The following CADPS2 variants were observed in gnomAD, a reference collection of about 807,000 sequenced individuals.
CADPS2 encodes the protein calcium dependent secretion activator 2, also known as calcium-dependent secretion activator 2.
A neutral mutation model predicts 172.5 loss-of-function variants in CADPS2; 93 were observed. That is an observed-to-expected ratio of 0.54 (90% confidence interval 0.46 to 0.64). The LOEUF is 0.64. Among genes scored for constraint, CADPS2 ranks in the 30% least tolerant of loss-of-function variants. The pLI is 0.00. For synonymous variants in CADPS2, 546 were observed against 555.2 expected (o/e 0.98, Z 0.23); for missense variants, 1,420 against 1,565.9 (o/e 0.91, Z 1.57).
In CADPS2 at chr7:122,477,002, GGAGAGGAGA is replaced by G. The variant is rs1586436933; in HGVS notation, c.1862-2494_1862-2486del. Reference sequence around the variant, plus strand: ...AAGGGGGGCGGGAGGGGAGGGGAGAGGAGAGGAGAGGAGAGGAGAGGAGAGGAGAGGAGA... The same window carrying G: ...AAGGGGGGCGGGAGGGGAGGGGAGAGGGAGAGGAGAGGAGAGGAGAGGAGA... On this transcript the variant is annotated intron_variant, in intron 12 of 29. Transcript: ENST00000449022. 2.4e-3 allele frequency among the ~76,000 whole-genome samples: 102 copies of G among 42,234 alleles called. 3 individuals are homozygous for G. The highest frequency in any genetic ancestry group is 4.1e-3 in the African/African-American group (47 of 11,430). 27.7% of individuals were successfully genotyped at this position (42,234 alleles called of 152,430 possible).
chr7:122,813,773 T>C (rs527398892), intron 1 of CADPS2, among the ~76,000 whole-genome samples: 1 of 152,250 alleles, frequency 6.6e-6, no homozygotes, highest in South Asian at 2.1e-4. Flanking sequence ...AGACAGTGGA[T>C]ATTGGAAAAT....
At position 122,663,547 on chromosome 7, in the gene CADPS2, A is replaced by G; in HGVS notation, c.476T>C (p.Val159Ala). The G allele has an allele frequency of 6.3e-7, 1 of 1,584,682 alleles. No individual in the cohort carries two copies. Among genetic ancestry groups the G allele is most frequent in the Non-Finnish European group, 8.6e-7 (1 of 1,163,980 alleles). ...CCCTCCACTCTGTACCATTCTGGCC[A>G]CTCGGTCACTCTTTAGAAAAACCTG... ...YYEVFLKSDR[V>A]ARMVQSGGCS... The change falls in exon 3 of 30, where the codon GTG (valine) becomes GCG (alanine). Residue 159 changes from valine to alanine, a missense_variant. Val to Ala is a moderately conservative substitution (Grantham distance 64, BLOSUM62 0). Coordinates refer to ENST00000449022, the MANE Select transcript of CADPS2 (RefSeq NM_017954.11).
chr7:122,823,769 G>A (rs961193480), intron 1 of CADPS2, among the ~76,000 whole-genome samples: 52 of 152,082 alleles, frequency 3.4e-4, no homozygotes, highest in Admixed American at 2.8e-3. Context: ...ACCTAACTCC[G>A]AAACCAAGTA....
intron 1 of CADPS2, among the ~76,000 whole-genome samples, chr7:122,811,722 C>T (rs1800063664): frequency 6.6e-6 from 1 of 152,028 alleles, no homozygotes; most frequent in Non-Finnish European, 1.5e-5. Flanking sequence ...GTCTTTGGTG[C>T]ATATTAGATA....
At chr7:122,823,538 T>C (rs1712851888) in intron 1 of CADPS2, among the ~76,000 whole-genome samples, 1 of 152,152 alleles carries the variant, frequency 6.6e-6, no homozygotes, top group African/African-American at 2.4e-5. Flanking sequence ...TATAGGCAGA[T>C]TCTAATTCAG....
At chr7:122,567,947 T>C (rs999009512) in intron 7 of CADPS2, among the ~76,000 whole-genome samples, 6 of 152,252 alleles carry the variant, frequency 3.9e-5, no homozygotes, top group South Asian at 2.1e-4. Flanking sequence ...TCAATATTCA[T>C]ATTAAAATAT....
intron 9 of CADPS2, among the ~76,000 whole-genome samples, chr7:122,508,447 AAG>A (rs2059774609): frequency 7.9e-6 from 1 of 127,224 alleles, no homozygotes; most frequent in Non-Finnish European, 1.7e-5. Context: ...TTATTCATTT[AAG>A]TTTTTTTTTT....
At chr7:122,734,325 C>T (rs544215796) in intron 2 of CADPS2, among the ~76,000 whole-genome samples, 129 of 89,284 alleles carry the variant, frequency 1.4e-3, no homozygotes, top group Non-Finnish European at 2.4e-3. Flanking sequence ...AAAATGGCAA[C>T]TGTGAAATAA....
At chr7:122,728,720 A>G (rs1181217295) in intron 2 of CADPS2, among the ~76,000 whole-genome samples, 3 of 151,628 alleles carry the variant, frequency 2.0e-5, no homozygotes, top group Non-Finnish European at 4.4e-5. Flanking sequence ...ATTTTTTTCA[A>G]TTTTATTTAT....
intron 6 of CADPS2, among the ~76,000 whole-genome samples, chr7:122,583,908 G>T (rs1348793448): frequency 2.0e-5 from 3 of 150,504 alleles, no homozygotes; most frequent in Non-Finnish European, 4.4e-5. Flanking sequence ...CACATATAAA[G>T]ATCCAGAAAT....
chr7:122,723,525 A>C (rs1588756141), intron 2 of CADPS2, among the ~76,000 whole-genome samples: 1 of 152,292 alleles, frequency 6.6e-6, no homozygotes, highest in African/African-American at 2.4e-5. Context: ...AAGTCAGGAA[A>C]CAACAGGTGC....
intron 7 of CADPS2, among the ~76,000 whole-genome samples, chr7:122,568,508 C>G (rs191661425): frequency 5.9e-5 from 9 of 151,978 alleles, no homozygotes; most frequent in Admixed American, 5.9e-4. Flanking sequence ...ATATTTACAC[C>G]AAAGAGCTCA....
intron 7 of CADPS2, among the ~76,000 whole-genome samples, chr7:122,571,587 T>C (rs2067263064): frequency 6.6e-6 from 1 of 152,112 alleles, no homozygotes; most frequent in South Asian, 2.1e-4. Flanking sequence ...AGGCATGGAA[T>C]GACAGGTAGA....
chr7:122,612,214 A>T (rs2074383203), intron 6 of CADPS2, among the ~76,000 whole-genome samples: 1 of 152,058 alleles, frequency 6.6e-6, no homozygotes, highest in Non-Finnish European at 1.5e-5. Flanking sequence ...AGTCAAAAAA[A>T]ATAAATAATG....
At chr7:122,480,240 A>G in intron 12 of CADPS2, 1 of 402,482 alleles carries the variant, frequency 2.5e-6, no homozygotes, top group South Asian at 1.9e-5. Flanking sequence ...ATCTATAAAT[A>G]CATATTAGTA....
chr7:122,729,864 T>C (rs2091482163), intron 2 of CADPS2, among the ~76,000 whole-genome samples: 1 of 151,506 alleles, frequency 6.6e-6, no homozygotes, highest in Admixed American at 6.6e-5. Context: ...GGGTGGTAAC[T>C]GGAATGAAGA....
intron 15 of CADPS2, among the ~76,000 whole-genome samples, chr7:122,446,183 T>C (rs2052169076): frequency 6.6e-6 from 1 of 152,220 alleles, no homozygotes; most frequent in Non-Finnish European, 1.5e-5. Flanking sequence ...TTACTAATTC[T>C]ATATTTTGTG....
At position 122,527,580 on chromosome 7, in the gene CADPS2, A is replaced by AAG. The variant is rs1192583104; in HGVS notation, c.1476-14266_1476-14265insCT. On this transcript the variant is annotated intron_variant, in intron 8 of 29. Transcript: ENST00000449022. ...TTTAATACTGGTAAAGATAATACTGAATAGAGAGAGAGAGAGAGAGAGAGA... is the reference window on the plus strand; with the variant it reads ...TTTAATACTGGTAAAGATAATACTGAAGATAGAGAGAGAGAGAGAGAGAGAGA... 7.4e-3 allele frequency among the ~76,000 whole-genome samples: 625 copies of AAG among 84,602 alleles called. 5 individuals are homozygous for AAG. Among genetic ancestry groups the AAG allele is most frequent in the Admixed American group, 0.045 (341 of 7,604 alleles). The allele number at this position is 84,602 out of a possible 152,430, so 55.5% of individuals were successfully genotyped here.
At chr7:122,670,321 G>T (rs2081673657) in intron 2 of CADPS2, among the ~76,000 whole-genome samples, 1 of 151,980 alleles carries the variant, frequency 6.6e-6, no homozygotes, top group African/African-American at 2.4e-5. Flanking sequence ...GCTCATGCTG[G>T]TATCCTAGCA....
Sources: allele counts gnomAD v4.1 joint callset (sites outside exome capture counted in the v4.1 genomes callset), GRCh38; gene constraint gnomAD v4.1.1; transcripts MANE v1.5; gene names NCBI Gene and HGNC (gene_info 2026-07-23, HGNC 2026-07-21).